Variants in SYNCRIP observed in about 807,000 individuals in gnomAD.
SYNCRIP encodes the protein synaptotagmin binding cytoplasmic RNA interacting protein, also known as heterogeneous nuclear ribonucleoprotein Q.
Under a neutral mutation model 68.9 loss-of-function variants are expected in SYNCRIP, and 9 were observed. That is an observed-to-expected ratio of 0.13 (90% CI 0.08 to 0.23). SYNCRIP has a LOEUF of 0.23. Among genes scored for constraint, SYNCRIP ranks in the 10% least tolerant of loss-of-function variants. The pLI, the probability that SYNCRIP is intolerant of heterozygous loss-of-function variation, is 1.00. For missense variants in SYNCRIP, 414 were observed against 770.6 expected, an observed-to-expected ratio of 0.54 and a Z score of 5.48; for synonymous variants, 258 against 254.0, an observed-to-expected ratio of 1.02 and a Z score of -0.15.
At chr6:85,619,822 G>T (rs1485177884) in intron 8 of SYNCRIP, among the ~76,000 whole-genome samples, 1 of 152,164 alleles carries the variant, frequency 6.6e-6, no homozygotes, top group African/African-American at 2.4e-5. Context: ...AAGACAGTTT[G>T]GCGATTTCTT....
At chr6:85,635,471 A>G (rs1242105762) in intron 6 of SYNCRIP, among the ~76,000 whole-genome samples, 2 of 152,134 alleles carry the variant, frequency 1.3e-5, no homozygotes, top group African/African-American at 4.8e-5. Flanking sequence ...TTCACACAAC[A>G]TAGAAAAGGA....
In SYNCRIP at chr6:85,641,557, C is replaced by G. The variant is rs969647311; in HGVS notation, c.-12-106G>C. On this transcript the variant is annotated intron_variant, in intron 1 of 10. Coordinates refer to ENST00000369622, the MANE Select transcript of SYNCRIP (RefSeq NM_006372.5). ...CTCTACCATTTACTACACCAGCTAG[C>G]CTATACCTCCCTTTAAAAAAGCCTT... is the stretch of plus-strand genomic sequence containing the variant. The G allele has an allele frequency of 5.1e-5, 56 of 1,105,570 alleles. 2 individuals carry two copies. The South Asian group carries it at 9.1e-4, about 18-fold the overall frequency. 68.5% of individuals were successfully genotyped at this position (1,105,570 alleles called of 1,614,324 possible).
intron 6 of SYNCRIP, among the ~76,000 whole-genome samples, chr6:85,625,744 C>T (rs1806959729): frequency 6.6e-6 from 1 of 152,138 alleles, no homozygotes; most frequent in African/African-American, 2.4e-5. Flanking sequence ...CCTGAAACTT[C>T]TACCATACAA....
At position 85,624,656 on chromosome 6, in the gene SYNCRIP, AGT is replaced by A. The variant is rs1806833889; in HGVS notation, c.667-546_667-545del. Among the ~76,000 whole-genome samples, 32 of 152,232 alleles carry A rather than the reference AGT, an allele frequency of 2.1e-4. 1 individual carries two copies. The highest frequency in any genetic ancestry group is 2.1e-3 in the Admixed American group (32 of 15,290). On this transcript the variant is annotated intron_variant, in intron 6 of 10. Coordinates refer to ENST00000369622, the MANE Select transcript of SYNCRIP (RefSeq NM_006372.5). ...TAACAAATTATGAAGGAGAAAGAGAAGTAGATTTGTCATGGCAAAAATATACA... is the reference window on the plus strand; with the variant it reads ...TAACAAATTATGAAGGAGAAAGAGAAAGATTTGTCATGGCAAAAATATACA...
chr6:85,628,743 ATACTT>A (rs1186614790), intron 6 of SYNCRIP, among the ~76,000 whole-genome samples: 1 of 152,220 alleles, frequency 6.6e-6, no homozygotes, highest in Non-Finnish European at 1.5e-5. Flanking sequence ...ACTAGTGTAA[ATACTT>A]AACTTTAGTC....
intron 6 of SYNCRIP, 54 bp downstream of exon 6, chr6:85,636,913 T>C: frequency 2.6e-6 from 4 of 1,512,920 alleles, no homozygotes; most frequent in Non-Finnish European, 3.5e-6. Context: ...AGAAAAAAAC[T>C]TGATATTAAA....
intron 10 of SYNCRIP, 143 bp downstream of exon 10, chr6:85,618,675 T>TA (rs1806060553): frequency 5.0e-6 from 3 of 602,814 alleles, no homozygotes; most frequent in Non-Finnish European, 8.4e-6. Flanking sequence ...AGATCACTGG[T>TA]GTTTCCCTAT....
chr6:85,617,197 T>TAA (rs77973702), intron 10 of SYNCRIP, among the ~76,000 whole-genome samples: 5 of 122,882 alleles, frequency 4.1e-5, no homozygotes, highest in African/African-American at 1.2e-4. Context: ...AGTTAAAACT[T>TAA]AAAAAAAAAA....
At chr6:85,620,344 C>T (rs1219997248) in intron 8 of SYNCRIP, among the ~76,000 whole-genome samples, 24 of 152,154 alleles carry the variant, frequency 1.6e-4, no homozygotes, top group Admixed American at 1.6e-3. Context: ...AATATTATAA[C>T]TGATAGAAAC....
chr6:85,635,991 T>C (rs1034123540), intron 6 of SYNCRIP, among the ~76,000 whole-genome samples: 10 of 152,156 alleles, frequency 6.6e-5, no homozygotes, highest in African/African-American at 2.4e-4. Context: ...CATAGTGAGC[T>C]ATCTTGTACA....
At chr6:85,627,893 T>C (rs1664907095) in intron 6 of SYNCRIP, among the ~76,000 whole-genome samples, 1 of 152,174 alleles carries the variant, frequency 6.6e-6, no homozygotes, top group Admixed American at 6.5e-5. Flanking sequence ...GTTCCTGTCA[T>C]CAAGTCTCAA....
At position 85,630,697 on chromosome 6, in the gene SYNCRIP, C is replaced by A. The variant is rs139391556; in HGVS notation, c.666+6270G>T. Among the ~76,000 whole-genome samples the A allele has an allele frequency of 1.1e-3, 170 of 152,258 alleles. 1 individual carries two copies. The highest frequency in any genetic ancestry group is 3.8e-3 in the African/African-American group (159 of 41,566). ...GAATTGTAAATGGAGGCTATTAAAACAGCAAATGGTCCATGAGTTACATAA... is the reference window on the plus strand; with the variant it reads ...GAATTGTAAATGGAGGCTATTAAAAAAGCAAATGGTCCATGAGTTACATAA... On this transcript the variant is annotated intron_variant, in intron 6 of 10. Transcript: ENST00000369622.
At chr6:85,617,294 T>A (rs1805888832) in intron 10 of SYNCRIP, among the ~76,000 whole-genome samples, 1 of 152,088 alleles carries the variant, frequency 6.6e-6, no homozygotes, top group South Asian at 2.1e-4. Context: ...TTAACAGATA[T>A]ACTGACATCC....
intron 8 of SYNCRIP, among the ~76,000 whole-genome samples, chr6:85,619,823 G>A (rs1002923925): frequency 1.3e-5 from 2 of 152,188 alleles, no homozygotes; most frequent in African/African-American, 4.8e-5. Context: ...AGACAGTTTG[G>A]CGATTTCTTA....
intron 6 of SYNCRIP, among the ~76,000 whole-genome samples, chr6:85,629,084 G>T (rs1807399373): frequency 6.6e-6 from 1 of 152,118 alleles, no homozygotes; most frequent in African/African-American, 2.4e-5. Flanking sequence ...GCTCAAAAAG[G>T]GGGTGGGGGG....
At chr6:85,621,107 T>C (rs749848309) in intron 8 of SYNCRIP, among the ~76,000 whole-genome samples, 12 of 152,236 alleles carry the variant, frequency 7.9e-5, no homozygotes, top group East Asian at 3.8e-4. Flanking sequence ...CTAAAATAAC[T>C]TGAATACCAT....
At chr6:85,618,761 A>C in intron 10 of SYNCRIP, 57 bp downstream of exon 10, 1 of 1,422,962 alleles carries the variant, frequency 7.0e-7, no homozygotes, top group Non-Finnish European at 9.6e-7. Flanking sequence ...GTTATTTTCC[A>C]ATTAGTGTAT....
intron 6 of SYNCRIP, among the ~76,000 whole-genome samples, chr6:85,626,749 C>T (rs1807082302): frequency 6.6e-6 from 1 of 152,176 alleles, no homozygotes; most frequent in Admixed American, 6.5e-5. Flanking sequence ...ATTAACAATG[C>T]TGCTTCAAAT....
intron 6 of SYNCRIP, among the ~76,000 whole-genome samples, chr6:85,632,549 G>C (rs138074829): frequency 1.2e-3 from 179 of 152,288 alleles, no homozygotes; most frequent in Middle Eastern, 6.8e-3. Flanking sequence ...ATTTTCTCTA[G>C]AATGTTTCAA....
Sources: allele counts gnomAD v4.1 joint callset (sites outside exome capture counted in the v4.1 genomes callset), GRCh38; gene constraint gnomAD v4.1.1; transcripts MANE v1.5; gene names NCBI Gene and HGNC (gene_info 2026-07-23, HGNC 2026-07-21).